Variants in VPS50 observed in about 807,000 individuals in gnomAD.
The protein encoded by VPS50 is syndetin.
VPS50 carries 70 observed loss-of-function variants against 139.7 expected under a neutral mutation model. That is an observed-to-expected ratio of 0.50 (90% CI 0.41 to 0.61). The LOEUF (loss-of-function observed/expected upper bound fraction) is 0.61. Ranked by LOEUF, VPS50 falls within the 20% of genes least tolerant of loss-of-function variation. The pLI is 0.00. For synonymous variants in VPS50, 365 were observed against 376.7 expected, an observed-to-expected ratio of 0.97 and a Z score of 0.36; for missense variants, 921 against 1,133.7, an observed-to-expected ratio of 0.81 and a Z score of 2.69.
chr7:93,293,092 C>A (rs575678203), intron 13 of VPS50, among the ~76,000 whole-genome samples: 1 of 152,202 alleles, frequency 6.6e-6, no homozygotes, highest in Admixed American at 6.6e-5. Context: ...CAAAACCAAA[C>A]CAAACCCTTA....
intron 2 of VPS50, among the ~76,000 whole-genome samples, chr7:93,241,466 A>G (rs1400028767): frequency 2.6e-5 from 4 of 152,138 alleles, no homozygotes; most frequent in Non-Finnish European, 5.9e-5. Context: ...TTAGTTAAAT[A>G]ATAAAACAGT....
At chr7:93,256,376 G>A (rs1795482589) in intron 4 of VPS50, 133 bp from the exon 5 acceptor site, 1 of 488,918 alleles carries the variant, frequency 2.0e-6, no homozygotes, top group African/African-American at 2.1e-5. Context: ...TATGGCCATA[G>A]TATGCCAATA....
intron 20 of VPS50, among the ~76,000 whole-genome samples, chr7:93,312,729 G>A (rs1797306946): frequency 6.6e-6 from 1 of 150,822 alleles, no homozygotes; most frequent in Non-Finnish European, 1.5e-5. Context: ...TCTTCCATGT[G>A]ATCACTTTTC....
intron 20 of VPS50, among the ~76,000 whole-genome samples, chr7:93,322,032 T>C (rs574888098): frequency 1.2e-3 from 181 of 152,342 alleles, no homozygotes; most frequent in Non-Finnish European, 1.9e-3. Flanking sequence ...AAAAAAAGTC[T>C]GTGTGAAATA....
At chr7:93,333,256 ATAAT>A (rs1251968621) in intron 21 of VPS50, among the ~76,000 whole-genome samples, 2 of 152,214 alleles carry the variant, frequency 1.3e-5, no homozygotes, top group Non-Finnish European at 1.5e-5. Flanking sequence ...ACACGTGTAA[ATAAT>A]TTCTCATTCT....
chr7:93,233,968 G>GT (rs1349921773), intron 1 of VPS50, among the ~76,000 whole-genome samples: 1 of 152,230 alleles, frequency 6.6e-6, no homozygotes, highest in Non-Finnish European at 1.5e-5. Context: ...TATGTTGATG[G>GT]TGGGAAAGCA....
chr7:93,357,781 G>A (rs891113436), intron 27 of VPS50, among the ~76,000 whole-genome samples: 3 of 152,166 alleles, frequency 2.0e-5, no homozygotes, highest in Non-Finnish European at 4.4e-5. Flanking sequence ...TTTGGATTGC[G>A]AAAGATACTC....
At chr7:93,355,757 T>A (rs112254034) in intron 26 of VPS50, 134 bp from the exon 27 acceptor site, 126 of 494,952 alleles carry the variant, frequency 2.5e-4, no homozygotes, top group African/African-American at 2.1e-3. Context: ...AAGGCTTATG[T>A]TCTCTATTTC....
rs893469273 is a variant in VPS50, at chr7:93,360,416, T to G, written c.*1980T>G. 9 of 151,240 alleles carry G rather than the reference T, an allele frequency of 6.0e-5. No homozygotes were observed. Among genetic ancestry groups the G allele is most frequent in the Non-Finnish European group, 1.0e-4 (7 of 67,744 alleles). 9.4% of individuals were successfully genotyped at this position (151,240 alleles called of 1,614,324 possible). On this transcript the variant is annotated 3_prime_UTR_variant, in exon 28 of 28. Transcript: ENST00000305866. Reference sequence around the variant, plus strand: ...ATGCTTTTTGAAAAAGGTTTTTTTTTTTTTTTTTTTTCATTAAAAGGTAGC... The same window carrying G: ...ATGCTTTTTGAAAAAGGTTTTTTTTGTTTTTTTTTTTCATTAAAAGGTAGC...
chr7:93,255,177 A>T (rs1037698816), intron 4 of VPS50, among the ~76,000 whole-genome samples: 4 of 152,348 alleles, frequency 2.6e-5, no homozygotes, highest in African/African-American at 9.6e-5. Flanking sequence ...ATCATAATAT[A>T]TAATGAAATA....
intron 2 of VPS50, among the ~76,000 whole-genome samples, chr7:93,246,661 T>C (rs762423145): frequency 1.4e-4 from 21 of 151,866 alleles, no homozygotes; most frequent in Non-Finnish European, 2.7e-4. Flanking sequence ...TAAAAGTGAA[T>C]AGAATTAAGA....
At chr7:93,282,060 C>T (rs188500053) in intron 12 of VPS50, among the ~76,000 whole-genome samples, 1,686 of 151,856 alleles carry the variant, frequency 0.011, 41 homozygotes, top group African/African-American at 0.038. Context: ...AAAAATTAGC[C>T]GGGCGTGGTG....
At chr7:93,357,196 G>A (rs548362092) in intron 27 of VPS50, among the ~76,000 whole-genome samples, 94 of 152,270 alleles carry the variant, frequency 6.2e-4, no homozygotes, top group Middle Eastern at 3.4e-3. Flanking sequence ...TGAGGAAAGG[G>A]TTTTGGGAAA....
intron 16 of VPS50, among the ~76,000 whole-genome samples, chr7:93,302,600 T>C (rs955126425): frequency 1.3e-5 from 2 of 152,076 alleles, no homozygotes; most frequent in Admixed American, 6.6e-5. Flanking sequence ...TTATAATAAT[T>C]ATCTTAAAGT....
At position 93,341,592 on chromosome 7, in the gene VPS50, A is replaced by G. The variant is rs747424593; in HGVS notation, c.2207+17A>G. 6.4e-7 allele frequency: 1 copy of G among 1,557,132 alleles called. No homozygotes were observed. Among genetic ancestry groups the G allele is most frequent in the Non-Finnish European group, 8.7e-7 (1 of 1,151,004 alleles). ...GGAATCCTTGTAAGTTGTTCAAAAC[A>G]GTTGCGTTGCCATTAAATATTTAAG... is the stretch of plus-strand genomic sequence containing the variant. On this transcript the variant is annotated intron_variant, in intron 23 of 27. Coordinates refer to ENST00000305866, the MANE Select transcript of VPS50 (RefSeq NM_017667.4).
chr7:93,311,581 G>A (rs1797268896), intron 20 of VPS50, among the ~76,000 whole-genome samples: 1 of 152,088 alleles, frequency 6.6e-6, no homozygotes, highest in Non-Finnish European at 1.5e-5. Context: ...TGTAAGATAA[G>A]TTAGTACCAG....
intron 12 of VPS50, among the ~76,000 whole-genome samples, chr7:93,288,039 A>C (rs1201074118): frequency 6.6e-6 from 1 of 152,112 alleles, no homozygotes; most frequent in African/African-American, 2.4e-5. Flanking sequence ...GGCGGGAGGC[A>C]AATGAGGATT....
intron 4 of VPS50, among the ~76,000 whole-genome samples, chr7:93,256,108 A>C (rs749194203): frequency 1.5e-4 from 23 of 152,242 alleles, no homozygotes; most frequent in Admixed American, 1.3e-4. Context: ...GGATACAAGC[A>C]AGTTCTTTTT....
In VPS50 at chr7:93,357,430, G is replaced by A. The variant is rs116145335; in HGVS notation, c.2776-887G>A. ...AACTTCCCACAATGATGAGTCCAGC[G>A]ATCACTGACGATGGATCCTCACTGA... On this transcript the variant is annotated intron_variant, in intron 27 of 27. Coordinates refer to ENST00000305866, the MANE Select transcript of VPS50 (RefSeq NM_017667.4). Among the ~76,000 whole-genome samples the A allele has an allele frequency of 6.1e-3, 931 of 152,224 alleles. 11 individuals carry two copies. Among genetic ancestry groups the A allele is most frequent in the African/African-American group, 0.021 (891 of 41,542 alleles).
Sources: allele counts gnomAD v4.1 joint callset (sites outside exome capture counted in the v4.1 genomes callset), GRCh38; gene constraint gnomAD v4.1.1; transcripts MANE v1.5; gene names NCBI Gene and HGNC (gene_info 2026-07-23, HGNC 2026-07-21).